BAZ2B: variants seen among roughly 807,000 people sequenced by gnomAD.
BAZ2B encodes bromodomain adjacent to zinc finger domain 2B, also known as bromodomain adjacent to zinc finger domain protein 2B.
A neutral mutation model predicts 246.0 loss-of-function variants in BAZ2B; 91 were observed. That is an observed-to-expected ratio of 0.37 (90% CI 0.31 to 0.44). The LOEUF (loss-of-function observed/expected upper bound fraction) is 0.44, where lower values mean the gene tolerates loss of function less well. BAZ2B is among the 20% of genes least tolerant of loss of function. BAZ2B has a pLI of 1.00. For synonymous variants in BAZ2B, 855 were observed against 860.0 expected (o/e 0.99, Z 0.10); for missense variants, 2,332 against 2,533.7 (o/e 0.92, Z 1.71).
chr2:159,400,905 T>G (rs536537067), intron 16 of BAZ2B, among the ~76,000 whole-genome samples: 149 of 152,114 alleles, frequency 9.8e-4, no homozygotes, highest in East Asian at 7.8e-4. Context: ...TTAGCAGGGC[T>G]TGGTGGCGGG....
intron 34 of BAZ2B, among the ~76,000 whole-genome samples, chr2:159,327,667 A>G (rs981017899): frequency 2.6e-5 from 4 of 152,244 alleles, no homozygotes; most frequent in Non-Finnish European, 5.9e-5. Context: ...GTTACTTAAA[A>G]CAGAGCTGGA....
chr2:159,347,914 ATAG>A lies in BAZ2B; in HGVS notation c.5294-271_5294-269del, dbSNP rs767159213. 5.9e-5 allele frequency among the ~76,000 whole-genome samples: 9 copies of A among 152,348 alleles called. 1 individual carries two copies. In the South Asian group the frequency reaches 1.7e-3, roughly 28 times the overall value. ...AGTTTGTTGAGTAAAACAGAAAAAAATAGTAGTGCATTAAGATATCATTTCTCT... is the reference window on the plus strand; with the variant it reads ...AGTTTGTTGAGTAAAACAGAAAAAAATAGTGCATTAAGATATCATTTCTCT... On this transcript the variant is annotated intron_variant, in intron 30 of 36. Transcript: ENST00000392783.
At position 159,452,628 on chromosome 2, in the gene BAZ2B, A is replaced by T. The variant is rs190721400; in HGVS notation, c.334+985T>A. On this transcript the variant is annotated intron_variant, in intron 4 of 36. Transcript: ENST00000392783. ...ATTTATTAAAGCCAAATTAATCTAT[A>T]GAAAATACATACAAATTTAGGCTTT... Among the ~76,000 whole-genome samples the T allele has an allele frequency of 1.6e-4, 25 of 152,376 alleles. No homozygotes were observed. In the East Asian group the frequency reaches 4.8e-3, roughly 29 times the overall value.
chr2:159,395,607 T>C, intron 20 of BAZ2B, 162 bp downstream of exon 20: 2 of 506,022 alleles, frequency 4.0e-6, no homozygotes, highest in East Asian at 6.6e-5. Context: ...CATTCTTTTA[T>C]GTTCTAACAC....
chr2:159,520,082 G>A (rs2083968686), intron 2 of BAZ2B, among the ~76,000 whole-genome samples: 1 of 152,026 alleles, frequency 6.6e-6, no homozygotes, highest in African/African-American at 2.4e-5. Flanking sequence ...CAAAGGAAAT[G>A]TCCTATCTCT....
intron 9 of BAZ2B, among the ~76,000 whole-genome samples, chr2:159,432,130 C>A (rs2071242416): frequency 6.6e-6 from 1 of 152,094 alleles, no homozygotes; most frequent in African/African-American, 2.4e-5. Flanking sequence ...AACAAATCCA[C>A]AAACATTTAT....
chr2:159,409,190 A>C (rs1278101599), intron 14 of BAZ2B, among the ~76,000 whole-genome samples: 1 of 152,210 alleles, frequency 6.6e-6, no homozygotes, highest in East Asian at 1.9e-4. Context: ...TTTTGGATAT[A>C]ACTCATTTCT....
intron 1 of BAZ2B, among the ~76,000 whole-genome samples, chr2:159,615,003 G>GA (rs1433386567): frequency 6.6e-6 from 1 of 152,068 alleles, no homozygotes; most frequent in Admixed American, 6.6e-5. Context: ...CCAAGATGGC[G>GA]AAACGCTTGT....
In BAZ2B at chr2:159,453,674, A is replaced by G. The variant is rs774122981; in HGVS notation, c.273T>C (p.Gly91=). ...SASSGHSEFG[G]LGTLGTPTAL... is the part of the protein sequence containing the mutation. ...CTGTGGGTGTACCAAGTGTCCCCAA[A>G]CCACCAAATTCTGAATGCCCTGAGC... Residue 91 remains glycine, a synonymous_variant, in exon 4 of 37, where the codon GGT becomes GGC. Transcript: ENST00000392783. 3 of 1,613,502 alleles carry G rather than the reference A, an allele frequency of 1.9e-6. No individual in the cohort carries two copies. The South Asian group carries it at 3.3e-5, about 18-fold the overall frequency.
At chr2:159,547,523 T>C (rs557519062) in intron 2 of BAZ2B, among the ~76,000 whole-genome samples, 2 of 152,304 alleles carry the variant, frequency 1.3e-5, no homozygotes, top group East Asian at 3.9e-4. Flanking sequence ...ACTACAGTTA[T>C]ATTTTATCCA....
intron 1 of BAZ2B, among the ~76,000 whole-genome samples, chr2:159,600,513 G>A (rs747936642): frequency 2.0e-5 from 3 of 152,004 alleles, no homozygotes; most frequent in Non-Finnish European, 4.4e-5. Context: ...GGGGATTTTT[G>A]TGGATATGTG....
the BAZ2B span, among the ~76,000 whole-genome samples, chr2:159,650,800 C>T: frequency 6.6e-6 from 1 of 152,162 alleles, no homozygotes; most frequent in African/African-American, 2.4e-5. Context: ...TTTTGTGTGA[C>T]AGAGCCTGGA....
At chr2:159,615,072 T>G (rs1695599910) in intron 1 of BAZ2B, among the ~76,000 whole-genome samples, 1 of 152,104 alleles carries the variant, frequency 6.6e-6, no homozygotes, top group South Asian at 2.1e-4. Context: ...GGGATAAATT[T>G]CAACAACTCG....
intron 2 of BAZ2B, among the ~76,000 whole-genome samples, chr2:159,541,017 T>A (rs1279128551): frequency 6.6e-6 from 1 of 152,098 alleles, no homozygotes; most frequent in East Asian, 1.9e-4. Flanking sequence ...TAACATCAGG[T>A]CACAGAAACT....
downstream of BAZ2B, among the ~76,000 whole-genome samples, chr2:159,315,612 G>A (rs888788651): frequency 6.6e-5 from 10 of 152,212 alleles, no homozygotes; most frequent in East Asian, 1.9e-3. Context: ...AGAGAACAAG[G>A]CGGAAGCAGC....
At chr2:159,398,077 A>T (rs1408644442) in intron 18 of BAZ2B, 1 of 152,236 alleles carries the variant, frequency 6.6e-6, no homozygotes, top group Non-Finnish European at 1.5e-5. Context: ...AATTTAAAAA[A>T]TAAAGTAAGA....
At chr2:159,344,616 A>G (rs2067428911) in intron 31 of BAZ2B, among the ~76,000 whole-genome samples, 2 of 152,178 alleles carry the variant, frequency 1.3e-5, no homozygotes, top group African/African-American at 4.8e-5. Context: ...ATACAGAATG[A>G]ATCCAGGTAT....
chr2:159,370,989 G>T (rs1372609228), intron 27 of BAZ2B, among the ~76,000 whole-genome samples: 1 of 151,648 alleles, frequency 6.6e-6, no homozygotes, highest in Admixed American at 6.6e-5. Context: ...TGTATTTTTA[G>T]TAGAGATGCG....
At chr2:159,503,699 C>G (rs145365565) in intron 2 of BAZ2B, among the ~76,000 whole-genome samples, 1 of 152,058 alleles carries the variant, frequency 6.6e-6, no homozygotes, top group Non-Finnish European at 1.5e-5. Context: ...CCTGCCTCAG[C>G]CTCCCAAGTA....
Sources: allele counts gnomAD v4.1 joint callset (sites outside exome capture counted in the v4.1 genomes callset), GRCh38; gene constraint gnomAD v4.1.1; transcripts MANE v1.5; gene names NCBI Gene and HGNC (gene_info 2026-07-23, HGNC 2026-07-21).